Variants in PHACTR3 observed in about 807,000 individuals in gnomAD.
The protein encoded by PHACTR3 is protein phosphatase 1, regulatory subunit 123.
PHACTR3 carries 16 observed loss-of-function variants against 66.8 expected under a neutral mutation model. The observed-to-expected ratio is 0.24, with a 90% confidence interval of 0.16 to 0.36. PHACTR3 has a LOEUF of 0.36. Ranked by LOEUF, PHACTR3 falls within the 10% of genes least tolerant of loss-of-function variation. The pLI is 1.00. For missense variants in PHACTR3, 647 were observed against 719.9 expected, an observed-to-expected ratio of 0.90 and a Z score of 1.16; for synonymous variants, 323 against 292.1, an observed-to-expected ratio of 1.11 and a Z score of -1.08.
At chr20:59,763,393 G>C (rs2040067385) in intron 4 of PHACTR3, among the ~76,000 whole-genome samples, 2 of 152,200 alleles carry the variant, frequency 1.3e-5, no homozygotes, top group Non-Finnish European at 2.9e-5. Flanking sequence ...TAATACAGTA[G>C]GGATCTGTCT....
intron 8 of PHACTR3, among the ~76,000 whole-genome samples, chr20:59,823,736 C>G (rs2042111969): frequency 6.6e-6 from 1 of 152,226 alleles, no homozygotes. Flanking sequence ...GATCTCACTT[C>G]TCTCTCCCAC....
chr20:59,642,771 AG>A (rs1334490076), intron 1 of PHACTR3, among the ~76,000 whole-genome samples: 2 of 152,214 alleles, frequency 1.3e-5, no homozygotes, highest in African/African-American at 4.8e-5. Flanking sequence ...AACCCGGGGC[AG>A]AAGGAATGAA....
chr20:59,610,206 C>T (rs2033806522), intron 1 of PHACTR3, among the ~76,000 whole-genome samples: 1 of 152,192 alleles, frequency 6.6e-6, no homozygotes, highest in Non-Finnish European at 1.5e-5. Flanking sequence ...ATGGAGCTGA[C>T]ATCATGCCTC....
intron 1 of PHACTR3, among the ~76,000 whole-genome samples, chr20:59,599,464 A>G (rs1012737462): frequency 6.6e-6 from 1 of 152,162 alleles, no homozygotes; most frequent in Non-Finnish European, 1.5e-5. Flanking sequence ...AAGTAGCCTC[A>G]GGCCAGTGGT....
intron 1 of PHACTR3, among the ~76,000 whole-genome samples, chr20:59,623,278 A>T (rs1197449502): frequency 1.3e-5 from 2 of 151,958 alleles, no homozygotes; most frequent in Admixed American, 1.3e-4. Flanking sequence ...CCGTGTTATG[A>T]CCTTCCAGCT....
chr20:59,748,767 C>CA (rs142883652), intron 3 of PHACTR3, among the ~76,000 whole-genome samples: 5,388 of 152,242 alleles, frequency 0.035, 215 homozygotes, highest in African/African-American at 0.1. Flanking sequence ...CATGCATAGC[C>CA]AGTTTCCTGA....
intron 8 of PHACTR3, among the ~76,000 whole-genome samples, chr20:59,812,410 C>T (rs2041762987): frequency 6.6e-6 from 1 of 152,194 alleles, no homozygotes; most frequent in Admixed American, 6.5e-5. Flanking sequence ...CAGGTGTCCT[C>T]CCGGGCTGTG....
chr20:59,707,411 A>G (rs1474530353), intron 1 of PHACTR3, among the ~76,000 whole-genome samples: 1 of 151,344 alleles, frequency 6.6e-6, no homozygotes, highest in Non-Finnish European at 1.5e-5. Flanking sequence ...GCTGGTAGCT[A>G]AAGAGTCTGG....
chr20:59,766,028 C>G (rs1248430967), intron 4 of PHACTR3, among the ~76,000 whole-genome samples: 1 of 152,224 alleles, frequency 6.6e-6, no homozygotes, highest in African/African-American at 2.4e-5. Flanking sequence ...GAGACCATCT[C>G]TCTTGGATCA....
At chr20:59,604,210 C>T (rs1328041971), upstream of PHACTR3, among the ~76,000 whole-genome samples, 7 of 152,124 alleles carry the variant, frequency 4.6e-5, no homozygotes, top group Non-Finnish European at 1.0e-4. Context: ...CCACTGGCCT[C>T]CCAGTCCCAG....
At chr20:59,588,770 G>T (rs2033109331) in intron 1 of PHACTR3, among the ~76,000 whole-genome samples, 1 of 152,122 alleles carries the variant, frequency 6.6e-6, no homozygotes, top group South Asian at 2.1e-4. Flanking sequence ...AGTGAATACT[G>T]GTTGAATGAG....
At chr20:59,582,806 C>T (rs186281432) in intron 1 of PHACTR3, among the ~76,000 whole-genome samples, 116 of 152,314 alleles carry the variant, frequency 7.6e-4, no homozygotes, top group African/African-American at 2.7e-3. Context: ...TCGATCTGAT[C>T]TGGAACCCGA....
chr20:59,577,595 C>T, exon 1 of PHACTR3: 1 of 1,209,076 alleles, frequency 8.3e-7, no homozygotes, highest in Non-Finnish European at 1.0e-6. Flanking sequence ...ACGCTGCCGC[C>T]GCCGCCCGAG....
chr20:59,816,364 C>G (rs887816133), intron 8 of PHACTR3, among the ~76,000 whole-genome samples: 2 of 152,186 alleles, frequency 1.3e-5, no homozygotes, highest in African/African-American at 4.8e-5. Flanking sequence ...GTTGGGACCC[C>G]TGTTCTAGAG....
chr20:59,803,959 C>T (rs1461749101), intron 7 of PHACTR3, among the ~76,000 whole-genome samples: 3 of 152,220 alleles, frequency 2.0e-5, no homozygotes, highest in African/African-American at 7.2e-5. Context: ...TGTTTCTCAG[C>T]TTCTACCTCC....
At chr20:59,684,802 GC>G (rs2036796313) in intron 1 of PHACTR3, among the ~76,000 whole-genome samples, 1 of 152,208 alleles carries the variant, frequency 6.6e-6, no homozygotes, top group African/African-American at 2.4e-5. Flanking sequence ...CTCTGAAAAT[GC>G]CCGATGAAGG....
intron 5 of PHACTR3, among the ~76,000 whole-genome samples, chr20:59,772,306 A>C (rs2040387146): frequency 6.6e-6 from 1 of 152,216 alleles, no homozygotes; most frequent in Admixed American, 6.5e-5. Flanking sequence ...TCATCTTCAA[A>C]GTCATTTCAT....
intron 1 of PHACTR3, among the ~76,000 whole-genome samples, chr20:59,662,936 A>G (rs1204684124): frequency 2.0e-5 from 3 of 152,166 alleles, no homozygotes; most frequent in Non-Finnish European, 2.9e-5. Context: ...GCTTTAAACC[A>G]TGGAGATGTG....
intron 7 of PHACTR3, among the ~76,000 whole-genome samples, chr20:59,783,895 G>C (rs987998069): frequency 1.3e-5 from 2 of 152,256 alleles, no homozygotes; most frequent in Non-Finnish European, 1.5e-5. Flanking sequence ...GGCCAGCCGT[G>C]TGCTCTTAAA....
Sources: gnomAD v4.1 joint callset for allele counts (sites outside exome capture counted in the v4.1 genomes callset) on GRCh38, gnomAD v4.1.1 for gene constraint, MANE v1.5 for transcripts, NCBI Gene and HGNC (gene_info 2026-07-23, HGNC 2026-07-21) for gene names.